The following HTT variants were observed in gnomAD, a reference collection of about 807,000 sequenced individuals.
HTT encodes huntington disease protein.
In HTT, 104 loss-of-function variants were observed where a neutral mutation model predicts 362.3. The observed-to-expected ratio is 0.29, with a 90% CI of 0.24 to 0.34. HTT has a LOEUF of 0.34. HTT is among the 10% of genes least tolerant of loss of function. The probability of loss-of-function intolerance (pLI) is 1.00; values close to 1 mark genes in which losing one functional copy is unlikely to be tolerated. For synonymous variants in HTT, 1,577 were observed against 1,548.7 expected (o/e 1.02, Z -0.43); for missense variants, 3,301 against 3,928.6 (o/e 0.84, Z 4.27).
At chr4:3,191,083 T>C (rs1718990628) in intron 40 of HTT, among the ~76,000 whole-genome samples, 1 of 152,184 alleles carries the variant, frequency 6.6e-6, no homozygotes, top group East Asian at 1.9e-4. Flanking sequence ...TAGAAAGAGA[T>C]GCCATCCTTC....
chr4:3,118,670 A>G (rs901462597), intron 8 of HTT, among the ~76,000 whole-genome samples: 1 of 152,180 alleles, frequency 6.6e-6, no homozygotes, highest in African/African-American at 2.4e-5. Context: ...ACAGATCGAA[A>G]CTGTGTTAAA....
Position 3,207,276 on chromosome 4 carries a change from A to G in HTT, c.6076-5A>G. 2 of 1,613,466 alleles carry G rather than the reference A, an allele frequency of 1.2e-6. No homozygotes were observed. Among genetic ancestry groups the G allele is most frequent in the South Asian group, 2.2e-5 (2 of 90,948 alleles). ...CAAACACACTAATGTGTTTTTGTCTATTAGAGCAGCATGGCCCAGTTGCCA... is the reference window on the plus strand; with the variant it reads ...CAAACACACTAATGTGTTTTTGTCTGTTAGAGCAGCATGGCCCAGTTGCCA... On this transcript the variant is annotated splice_region_variant and splice_polypyrimidine_tract_variant and intron_variant, in intron 44 of 66. Transcript: ENST00000355072.
intron 40 of HTT, among the ~76,000 whole-genome samples, chr4:3,190,390 C>T (rs1259324953): frequency 1.3e-5 from 2 of 151,122 alleles, no homozygotes; most frequent in East Asian, 1.9e-4. Flanking sequence ...GAGCTTCCTC[C>T]TCCTGTGTTA....
rs780836193 is a variant in HTT at position 3,074,927 on chromosome 4, G to GCAA, written c.104_105insACA (p.Gln38dup). 0.036 allele frequency: 45,465 copies of GCAA among 1,259,472 alleles called. 1,196 individuals carry two copies. Among genetic ancestry groups the GCAA allele is most frequent in the East Asian group, 0.17 (5,021 of 29,990 alleles). 78.0% of individuals were successfully genotyped at this position (1,259,472 alleles called of 1,614,324 possible). On this transcript the variant is annotated inframe_insertion, in exon 1 of 67. Coordinates refer to ENST00000355072, the MANE Select transcript of HTT (RefSeq NM_001388492.1). ...AGCAGCAGCAGCAGCAGCAGCAGCA[G>GCAA]CAGCAGCAACAGCCGCCACCGCCGC...
chr4:3,100,058 C>G (rs1489542835), intron 3 of HTT, among the ~76,000 whole-genome samples: 1 of 152,168 alleles, frequency 6.6e-6, no homozygotes, highest in Non-Finnish European at 1.5e-5. Flanking sequence ...TGCACGGTGC[C>G]TAGGTCAATG....
intron 54 of HTT, among the ~76,000 whole-genome samples, chr4:3,222,969 G>C (rs1040368694): frequency 3.3e-5 from 5 of 152,202 alleles, no homozygotes; most frequent in Admixed American, 6.5e-5. Context: ...GGAAGTTGTG[G>C]AATGCAGGCC....
rs150968460 is a variant in HTT, at chr4:3,076,961, T to A, written c.263+1873T>A. Among the ~76,000 whole-genome samples, 243 of 152,234 alleles carry A rather than the reference T, an allele frequency of 1.6e-3. 2 individuals are homozygous for A. Among genetic ancestry groups the A allele is most frequent in the Admixed American group, 2.9e-3 (44 of 15,274 alleles). ...GGGAGGCCTAGGTGGACGAATCACC[T>A]GAGGTCAGGAGTTTGAGACCAGCCT... On this transcript the variant is annotated intron_variant, in intron 1 of 66. Transcript: ENST00000355072.
chr4:3,081,627 CG>C lies in HTT; in HGVS notation c.264-5310del, dbSNP rs548390649. ...AGGCTGGAGTGCAGTGGCGCGATCT[CG>C]GCTCACTGCAACCTCTGCCTCCCAG... On this transcript the variant is annotated intron_variant, in intron 1 of 66. Coordinates refer to ENST00000355072, the MANE Select transcript of HTT (RefSeq NM_001388492.1). Among the ~76,000 whole-genome samples, 476 of 140,480 alleles carry C rather than the reference CG, an allele frequency of 3.4e-3. 2 individuals are homozygous for C. The highest frequency in any genetic ancestry group is 5.7e-3 in the Non-Finnish European group (380 of 66,494). The allele number at this position is 140,480 out of a possible 152,430, so 92.2% of individuals were successfully genotyped here.
chr4:3,182,703 G>A (rs1238620158), intron 37 of HTT, among the ~76,000 whole-genome samples: 3 of 152,202 alleles, frequency 2.0e-5, no homozygotes, highest in African/African-American at 7.2e-5. Context: ...GGTTATGGAG[G>A]TGATCAGGCA....
intron 12 of HTT, chr4:3,129,448 T>C (rs1715690606): frequency 6.4e-6 from 1 of 156,374 alleles, no homozygotes; most frequent in African/African-American, 2.4e-5. Context: ...CAAGTGGACA[T>C]GAAACATCTT....
At chr4:3,079,130 A>G in intron 1 of HTT, among the ~76,000 whole-genome samples, 1 of 151,518 alleles carries the variant, frequency 6.6e-6, no homozygotes, top group Non-Finnish European at 1.5e-5. Context: ...TCCCGGCCTC[A>G]TGTGATCTGC....
intron 31 of HTT, among the ~76,000 whole-genome samples, chr4:3,174,140 C>T (rs1419187094): frequency 6.7e-6 from 1 of 148,936 alleles, no homozygotes; most frequent in Non-Finnish European, 1.5e-5. Context: ...AATTAAAACA[C>T]TAGAGTCAGG....
intron 6 of HTT, among the ~76,000 whole-genome samples, chr4:3,110,723 C>G (rs1025346214): frequency 5.9e-5 from 9 of 152,152 alleles, no homozygotes; most frequent in Non-Finnish European, 1.3e-4. Flanking sequence ...TGACCCGATT[C>G]CTTAACCTAT....
intron 64 of HTT, among the ~76,000 whole-genome samples, chr4:3,237,273 C>T (rs1281949462): frequency 6.6e-6 from 1 of 152,132 alleles, no homozygotes; most frequent in Non-Finnish European, 1.5e-5. Context: ...GGGGTTTCAC[C>T]GTGTTGGCTG....
intron 28 of HTT, 137 bp downstream of exon 28, chr4:3,157,336 T>G (rs567692720): frequency 1.2e-6 from 1 of 801,966 alleles, no homozygotes; most frequent in Non-Finnish European, 2.0e-6. Context: ...TCAAGTTTGT[T>G]TGTCTTTCAG....
At chr4:3,157,942 T>C (rs186907528) in intron 28 of HTT, among the ~76,000 whole-genome samples, 29 of 152,284 alleles carry the variant, frequency 1.9e-4, no homozygotes, top group African/African-American at 7.0e-4. Flanking sequence ...TTTCATTTAT[T>C]ATTTTGTTAT....
At chr4:3,189,270 T>C (rs555562837) in intron 40 of HTT, among the ~76,000 whole-genome samples, 177 bp downstream of exon 40, 1 of 152,238 alleles carries the variant, frequency 6.6e-6, no homozygotes, top group South Asian at 2.1e-4. Context: ...AGTTCCACTC[T>C]TGGGTATATA....
chr4:3,121,528 C>T lies in HTT; in HGVS notation c.1273+96C>T, dbSNP rs1715296404. On this transcript the variant is annotated intron_variant, in intron 9 of 66. Coordinates refer to ENST00000355072, the MANE Select transcript of HTT (RefSeq NM_001388492.1). ...GGCCTGCCCTGTGCTAAGCAGTCTG[C>T]ATTCCATCTTCCTTGCCAAAACTTA... 6.5e-6 allele frequency: 5 copies of T among 769,760 alleles called. No individual in the cohort carries two copies. In the Admixed American group the frequency reaches 1.4e-4, roughly 21 times the overall value. 47.7% of individuals were successfully genotyped at this position (769,760 alleles called of 1,614,324 possible).
At chr4:3,120,162 TG>T (rs1715226851) in intron 8 of HTT, among the ~76,000 whole-genome samples, 1 of 152,054 alleles carries the variant, frequency 6.6e-6, no homozygotes, top group African/African-American at 2.4e-5. Flanking sequence ...AAAAGAAACA[TG>T]TATTTTATAA....
Sources: allele counts gnomAD v4.1 joint callset (sites outside exome capture counted in the v4.1 genomes callset), GRCh38; gene constraint gnomAD v4.1.1; transcripts MANE v1.5; gene names NCBI Gene and HGNC (gene_info 2026-07-23, HGNC 2026-07-21).